The following NDUFAF1 variants were observed in gnomAD, a reference collection of about 807,000 sequenced individuals.
NDUFAF1 encodes the protein complex I intermediate-associated protein 30, mitochondrial.
In NDUFAF1, 18 loss-of-function variants were observed where a neutral mutation model predicts 28.7. The observed-to-expected ratio is 0.63, with a 90% CI of 0.43 to 0.93. The LOEUF (loss-of-function observed/expected upper bound fraction) is 0.93, where lower values mean the gene tolerates loss of function less well. NDUFAF1 is among the 40% of genes least tolerant of loss of function. The probability of loss-of-function intolerance (pLI) is 0.00; values close to 1 mark genes in which losing one functional copy is unlikely to be tolerated. For missense variants in NDUFAF1, 404 were observed against 398.3 expected, an observed-to-expected ratio of 1.01 and a Z score of -0.12; for synonymous variants, 113 against 139.7, an observed-to-expected ratio of 0.81 and a Z score of 1.35.
intron 3 of NDUFAF1, among the ~76,000 whole-genome samples, chr15:41,392,897 G>A (rs1302164914): frequency 6.6e-6 from 1 of 152,004 alleles, no homozygotes; most frequent in Non-Finnish European, 1.5e-5. Flanking sequence ...ATTTTAGTGG[G>A]GCAAGAAGAC....
In NDUFAF1 at chr15:41,387,450, A is replaced by T. The variant is rs762199042; in HGVS notation, c.978T>A (p.Phe326Leu). Residue 326 changes from phenylalanine to leucine, a missense_variant, in exon 5 of 5, where the codon TTT (phenylalanine) becomes TTA (leucine). Phe to Leu is a conservative substitution (Grantham distance 22). Coordinates refer to ENST00000260361, the MANE Select transcript of NDUFAF1 (RefSeq NM_016013.4). ...ENSPELNPRLFK is the reference protein window; with the variant it reads ...ENSPELNPRLLK ...CAAAACTACCATATGATCTTTATTTAAAAAGCCTTGGGTTAAGCTCTGGAG... is the reference window on the plus strand; with the variant it reads ...CAAAACTACCATATGATCTTTATTTTAAAAGCCTTGGGTTAAGCTCTGGAG... 5 of 1,613,446 alleles carry T rather than the reference A, an allele frequency of 3.1e-6. No homozygotes were observed. In the East Asian group the frequency reaches 6.7e-5, roughly 22 times the overall value.
chr15:41,388,602 G>C, intron 3 of NDUFAF1, 80 bp from the exon 4 acceptor site: 1 of 927,654 alleles, frequency 1.1e-6, no homozygotes, highest in Non-Finnish European at 1.8e-6. Context: ...GATAAAATGA[G>C]TTTACATTTA....
At chr15:41,391,015 C>A (rs1428303444) in intron 3 of NDUFAF1, among the ~76,000 whole-genome samples, 1 of 151,588 alleles carries the variant, frequency 6.6e-6, no homozygotes, top group African/African-American at 2.4e-5. Flanking sequence ...GGCGACAGTG[C>A]GAGACTCTGT....
At chr15:41,399,855 C>CAAAAA (rs35139337) in intron 1 of NDUFAF1, among the ~76,000 whole-genome samples, 1 of 42,038 alleles carries the variant, frequency 2.4e-5, no homozygotes, top group Admixed American at 3.5e-4. Context: ...GACTCCTTCT[C>CAAAAA]AAAAAAAAAA....
intron 1 of NDUFAF1, among the ~76,000 whole-genome samples, chr15:41,399,392 T>TAA (rs750171805): frequency 8.4e-6 from 1 of 119,050 alleles, no homozygotes; most frequent in Admixed American, 8.5e-5. Context: ...TGACTCCAAC[T>TAA]AAAAAAAAAA....
chr15:41,396,302 T>C (rs2050385527), intron 2 of NDUFAF1, among the ~76,000 whole-genome samples, 185 bp downstream of exon 2: 1 of 152,076 alleles, frequency 6.6e-6, no homozygotes, highest in Non-Finnish European at 1.5e-5. Flanking sequence ...CAGAAACCAC[T>C]TCCCCCTTGT....
chr15:41,392,486 G>A (rs1278020776), intron 3 of NDUFAF1, among the ~76,000 whole-genome samples: 1 of 152,146 alleles, frequency 6.6e-6, no homozygotes, highest in East Asian at 1.9e-4. Context: ...TGTCAAGGGA[G>A]GGACCAGGTG....
chr15:41,395,334 G>A (rs1023429847), intron 2 of NDUFAF1, among the ~76,000 whole-genome samples: 5 of 151,730 alleles, frequency 3.3e-5, no homozygotes, highest in African/African-American at 1.2e-4. Flanking sequence ...TTACCTGGTC[G>A]TATGGAGCAA....
At chr15:41,395,141 C>A (rs925945518) in intron 2 of NDUFAF1, 97 bp from the exon 3 acceptor site, 21 of 1,155,282 alleles carry the variant, frequency 1.8e-5, no homozygotes, top group Non-Finnish European at 2.4e-5. Context: ...GATGCACTAA[C>A]CATTTTTCTG....
intron 2 of NDUFAF1, among the ~76,000 whole-genome samples, chr15:41,395,669 CTTTT>C (rs11318328): frequency 1.6e-5 from 1 of 63,150 alleles, no homozygotes; most frequent in Non-Finnish European, 2.8e-5. Context: ...TGCGCCCGGC[CTTTT>C]TTTTTTTTTT....
chr15:41,399,524 TC>T (rs2050433435), intron 1 of NDUFAF1, among the ~76,000 whole-genome samples: 1 of 148,898 alleles, frequency 6.7e-6, no homozygotes, highest in Admixed American at 6.8e-5. Flanking sequence ...ACCATCGCAC[TC>T]CAGCCTGGGC....
At chr15:41,397,961 G>A (rs532912440) in intron 1 of NDUFAF1, among the ~76,000 whole-genome samples, 36 of 147,790 alleles carry the variant, frequency 2.4e-4, no homozygotes, top group African/African-American at 7.5e-4. Flanking sequence ...GGAGGAGGAG[G>A]CTGCAGTGAG....
At position 41,388,433 on chromosome 15, in the gene NDUFAF1, A is replaced by T; in HGVS notation, c.834+15T>A. 2 of 1,582,936 alleles carry T rather than the reference A, an allele frequency of 1.3e-6. No homozygotes were observed. The highest frequency in any genetic ancestry group is 8.7e-7 in the Non-Finnish European group (1 of 1,151,782). On this transcript the variant is annotated intron_variant, in intron 4 of 4. Coordinates refer to ENST00000260361, the MANE Select transcript of NDUFAF1 (RefSeq NM_016013.4). ...AATGATACAGTTCTGAGTGAAAAAT[A>T]CAGGAATATGTTACCTTATCAAGCG...
Position 41,396,621 on chromosome 15 carries a change from T to G in NDUFAF1, c.439A>C (p.Arg147=), listed in dbSNP as rs768015359. 1 of 1,614,152 alleles carries G rather than the reference T, an allele frequency of 6.2e-7. No homozygotes were observed. The highest frequency in any genetic ancestry group is 1.1e-5 in the South Asian group (1 of 91,086). Residue 147 remains arginine (R), a synonymous_variant, in exon 2 of 5, where the codon AGA becomes CGA. Transcript: ENST00000260361. ...CCCATTTTCAAAAACACTTCACTTC[T>G]GCCTCCAATCGTCTTATCAGAAGTC... The part of the protein sequence containing the change: ...TVTSDKTIGG[R]SEVFLKMGKN...
chr15:41,394,765 A>T (rs751633786), intron 3 of NDUFAF1, 94 bp downstream of exon 3: 4 of 1,324,174 alleles, frequency 3.0e-6, no homozygotes, highest in Non-Finnish European at 4.3e-6. Context: ...TGATCCACCC[A>T]CCTCGGCCTC....
chr15:41,398,677 G>GGGTGC (rs2050422967), intron 1 of NDUFAF1, among the ~76,000 whole-genome samples: 1 of 151,898 alleles, frequency 6.6e-6, no homozygotes, highest in African/African-American at 2.4e-5. Flanking sequence ...AATGTTGGCC[G>GGGTGC]GGTGCCGTGC....
intron 4 of NDUFAF1, 123 bp downstream of exon 4, chr15:41,388,325 A>T: frequency 2.6e-6 from 2 of 778,854 alleles, no homozygotes; most frequent in South Asian, 1.6e-5. Context: ...GGCTGGGTAT[A>T]AGAGCAGTGG....
At chr15:41,402,806 A>C (rs190264740), upstream of NDUFAF1, among the ~76,000 whole-genome samples, 5 of 136,700 alleles carry the variant, frequency 3.7e-5, no homozygotes, top group East Asian at 2.2e-4. Flanking sequence ...ATCTCGGCTC[A>C]CTACAACCTC....
chr15:41,392,262 C>T (rs532756788), intron 3 of NDUFAF1, among the ~76,000 whole-genome samples: 1 of 151,900 alleles, frequency 6.6e-6, no homozygotes, highest in East Asian at 1.9e-4. Flanking sequence ...TTAGTAGACA[C>T]AAGATTTCAC....
Sources: gnomAD v4.1 joint callset for allele counts (sites outside exome capture counted in the v4.1 genomes callset) on GRCh38, gnomAD v4.1.1 for gene constraint, MANE v1.5 for transcripts, NCBI Gene and HGNC (gene_info 2026-07-23, HGNC 2026-07-21) for gene names.